The following UST variants were observed in gnomAD, a reference collection of about 807,000 sequenced individuals.
UST encodes the protein uronyl 2-sulfotransferase.
Under a neutral mutation model 45.6 loss-of-function variants are expected in UST, and 21 were observed. The observed-to-expected ratio is 0.46, with a 90% CI of 0.33 to 0.66. The LOEUF (loss-of-function observed/expected upper bound fraction) is 0.66. UST is among the 30% of genes least tolerant of loss of function. UST has a pLI of 0.02. For synonymous variants in UST, 215 were observed against 200.6 expected (o/e 1.07, Z -0.61); for missense variants, 463 against 512.4 (o/e 0.90, Z 0.93).
intron 1 of UST, among the ~76,000 whole-genome samples, chr6:148,787,949 A>T (rs1776763809): frequency 6.6e-6 from 1 of 152,098 alleles, no homozygotes; most frequent in South Asian, 2.1e-4. Context: ...TGAATTTTTA[A>T]GTCAGTTTTA....
chr6:149,070,592 C>G (rs1776805143), intron 7 of UST, among the ~76,000 whole-genome samples: 1 of 152,062 alleles, frequency 6.6e-6, no homozygotes, highest in African/African-American at 2.4e-5. Context: ...GGCTGTTGGC[C>G]ACATAGAGAA....
intron 7 of UST, among the ~76,000 whole-genome samples, chr6:149,053,184 C>T (rs10457839): frequency 0.3 from 46,265 of 151,992 alleles, 7,498 homozygotes; most frequent in Non-Finnish European, 0.36. Context: ...GACATATTCA[C>T]TGTTAAATTT....
At chr6:148,851,617 G>C (rs548468547) in intron 1 of UST, among the ~76,000 whole-genome samples, 1 of 152,168 alleles carries the variant, frequency 6.6e-6, no homozygotes, top group Admixed American at 6.5e-5. Context: ...GCTCAGCCAG[G>C]CGACCTTTAT....
rs796851618 is a variant in UST, at chr6:148,747,040, GA to G, written c.-389del. Among the ~76,000 whole-genome samples the G allele has an allele frequency of 8.0e-4, 122 of 151,658 alleles. No individual in the cohort carries two copies. The highest frequency in any genetic ancestry group is 2.9e-3 in the African/African-American group (120 of 41,422). ...TCCCTGCCGTTTTTTAGAGAAGCCT[GA>G]ACCGGGACAAAACACGCCGAGACCT... On this transcript the variant is annotated 5_prime_UTR_variant, in exon 1 of 8. Coordinates refer to ENST00000367463, the MANE Select transcript of UST (RefSeq NM_005715.3).
intron 1 of UST, among the ~76,000 whole-genome samples, chr6:148,871,468 T>G (rs868713284): frequency 6.6e-6 from 1 of 152,182 alleles, no homozygotes; most frequent in Non-Finnish European, 1.5e-5. Context: ...CCTGTCACAC[T>G]CCCTTTATAC....
intron 5 of UST, among the ~76,000 whole-genome samples, chr6:149,018,345 C>G (rs1447184488): frequency 9.2e-5 from 14 of 152,116 alleles, no homozygotes; most frequent in Admixed American, 9.2e-4. Context: ...CCAGTATAGT[C>G]TCTGGAAAAA....
intron 1 of UST, among the ~76,000 whole-genome samples, chr6:148,813,134 T>C (rs2114732684): frequency 6.6e-6 from 1 of 152,328 alleles, no homozygotes; most frequent in South Asian, 2.1e-4. Context: ...TATGTAATTA[T>C]TCTTATGGTT....
At chr6:148,801,726 C>G (rs551865673) in intron 1 of UST, among the ~76,000 whole-genome samples, 43 of 152,278 alleles carry the variant, frequency 2.8e-4, no homozygotes, top group Non-Finnish European at 5.7e-4. Context: ...AGCAGTCACT[C>G]TCCCCTTTCT....
At chr6:148,982,399 T>C (rs1781156326) in intron 5 of UST, among the ~76,000 whole-genome samples, 1 of 152,138 alleles carries the variant, frequency 6.6e-6, no homozygotes. Flanking sequence ...GCACCCAACC[T>C]GTCAAGCCCT....
intron 3 of UST, among the ~76,000 whole-genome samples, chr6:148,946,678 G>A (rs1224479728): frequency 6.6e-6 from 1 of 150,644 alleles, no homozygotes; most frequent in East Asian, 1.9e-4. Context: ...GCCGGGCGTG[G>A]TGGCGGGTGC....
chr6:149,071,578 A>G (rs1776819166), intron 7 of UST, among the ~76,000 whole-genome samples: 1 of 152,186 alleles, frequency 6.6e-6, no homozygotes, highest in Non-Finnish European at 1.5e-5. Flanking sequence ...ATTTTTTTTA[A>G]TGTGACACCA....
intron 5 of UST, among the ~76,000 whole-genome samples, chr6:148,976,386 G>A (rs551654497): frequency 6.6e-6 from 1 of 152,182 alleles, no homozygotes; most frequent in East Asian, 1.9e-4. Flanking sequence ...TTAAGAGATG[G>A]GCATTTGCCT....
chr6:148,840,634 G>T (rs1777871285), intron 1 of UST, among the ~76,000 whole-genome samples: 1 of 152,118 alleles, frequency 6.6e-6, no homozygotes, highest in African/African-American at 2.4e-5. Context: ...GCATCCACAA[G>T]TTTCACACCC....
rs1271435644 is a variant in UST, at chr6:149,074,664, G to A, written c.*548G>A. 1 of 156,462 alleles carries A rather than the reference G, an allele frequency of 6.4e-6. No individual in the cohort carries two copies. Among genetic ancestry groups the A allele is most frequent in the African/African-American group, 2.4e-5 (1 of 41,580 alleles). The allele number at this position is 156,462 out of a possible 1,614,324, so 9.7% of individuals were successfully genotyped here. On this transcript the variant is annotated 3_prime_UTR_variant, in exon 8 of 8. Transcript: ENST00000367463. ...GTGGGAGGATCACTTGAGCCCAGGAGTTTGAGGTTGCAGTGAGCTGTGATC... is the reference window on the plus strand; with the variant it reads ...GTGGGAGGATCACTTGAGCCCAGGAATTTGAGGTTGCAGTGAGCTGTGATC...
chr6:148,916,746 G>A (rs1582896439), intron 2 of UST, among the ~76,000 whole-genome samples: 1 of 152,176 alleles, frequency 6.6e-6, no homozygotes, highest in South Asian at 2.1e-4. Flanking sequence ...TTGCGTTTGA[G>A]CACACCACTT....
chr6:148,961,879 T>C (rs977051119), intron 4 of UST, among the ~76,000 whole-genome samples: 1 of 152,178 alleles, frequency 6.6e-6, no homozygotes, highest in Non-Finnish European at 1.5e-5. Flanking sequence ...TGAAAGAAGA[T>C]GGAATGAGGG....
At chr6:148,947,363 G>A (rs1780266634) in intron 3 of UST, among the ~76,000 whole-genome samples, 2 of 152,180 alleles carry the variant, frequency 1.3e-5, no homozygotes, top group African/African-American at 4.8e-5. Context: ...ATCTGCTGGG[G>A]AGCGTTCTCA....
rs77744611 is a variant in UST, at chr6:148,775,993, T to C, written c.247+28316T>C. 1.4e-4 allele frequency among the ~76,000 whole-genome samples: 22 copies of C among 152,342 alleles called. No individual in the cohort carries two copies. In the East Asian group the frequency reaches 4.0e-3, roughly 28 times the overall value. On this transcript the variant is annotated intron_variant, in intron 1 of 7. Coordinates refer to ENST00000367463, the MANE Select transcript of UST (RefSeq NM_005715.3). ...ACAGGACGTATATATTTGATTGTTA[T>C]TGCTATTGTTTTATAACTTGGAGGA...
At chr6:148,880,514 CT>C (rs1198258663) in intron 1 of UST, among the ~76,000 whole-genome samples, 1 of 152,204 alleles carries the variant, frequency 6.6e-6, no homozygotes, top group Non-Finnish European at 1.5e-5. Context: ...CATGCAGAGA[CT>C]CAGGTAGTAC....
Sources: gnomAD v4.1 joint callset for allele counts (sites outside exome capture counted in the v4.1 genomes callset) on GRCh38, gnomAD v4.1.1 for gene constraint, MANE v1.5 for transcripts, NCBI Gene and HGNC (gene_info 2026-07-23, HGNC 2026-07-21) for gene names.